The following TMEM53 variants were observed in gnomAD, a reference collection of about 807,000 sequenced individuals.
The protein encoded by TMEM53 is transmembrane protein 53.
TMEM53 carries 14 observed loss-of-function variants against 21.4 expected under a neutral mutation model. The ratio of observed to expected loss-of-function variants is 0.65; its 90% CI spans 0.43 to 1.02. The LOEUF (loss-of-function observed/expected upper bound fraction) is 1.02. Ranked by LOEUF, TMEM53 falls within the 50% of genes least tolerant of loss-of-function variation. The pLI is 0.00. For missense variants in TMEM53, 323 were observed against 383.6 expected, an observed-to-expected ratio of 0.84 and a Z score of 1.32; for synonymous variants, 148 against 157.4, an observed-to-expected ratio of 0.94 and a Z score of 0.45.
At position 44,660,199 on chromosome 1, in the gene TMEM53, T is replaced by C; in HGVS notation, c.158A>G (p.Lys53Arg). The change falls in exon 2 of 3, where the codon AAG (lysine) becomes AGG (arginine). Residue 53 changes from lysine (K) to arginine (R), a missense_variant. Transcript: ENST00000372237. The stretch of plus-strand genomic sequence containing the variant: ...CCTTTTGTGGTAGATGGCACTGTAC[T>C]TGGCAAGGTTCTTGTCCTTGCAGCC... ...WGGCKDKNLA[K>R]YSAIYHKRGC... The C allele has an allele frequency of 6.2e-7, 1 of 1,614,142 alleles. No individual in the cohort carries two copies. The highest frequency in any genetic ancestry group is 8.5e-7 in the Non-Finnish European group (1 of 1,180,014).
chr1:44,668,565 A>C (rs1391864524), intron 1 of TMEM53, among the ~76,000 whole-genome samples: 2 of 152,334 alleles, frequency 1.3e-5, no homozygotes, highest in East Asian at 3.9e-4. Flanking sequence ...TCTTTGAGAC[A>C]AGGTCTTTCT....
chr1:44,654,299 C>T lies in TMEM53; in HGVS notation c.*260G>A, dbSNP rs1644826771. 2.1e-6 allele frequency: 1 copy of T among 478,522 alleles called. No homozygotes were observed. Among genetic ancestry groups the T allele is most frequent in the East Asian group, 3.5e-5 (1 of 28,340 alleles). 29.6% of individuals were successfully genotyped at this position (478,522 alleles called of 1,614,324 possible). A position where few individuals can be genotyped will look rare whatever the true frequency, so the allele number is the denominator to read the frequency against. ...ACAGGAATCAGCAGCCTGACTGTTG[C>T]ACTTGTCCAAACACAACTGACTGCA... On this transcript the variant is annotated 3_prime_UTR_variant, in exon 3 of 3. Transcript: ENST00000372237. The surrounding 1 kb of genome is among the most constrained non-coding windows in gnomAD (Gnocchi z 7.0).
At chr1:44,665,498 C>A (rs528890094) in intron 1 of TMEM53, among the ~76,000 whole-genome samples, 1 of 151,816 alleles carries the variant, frequency 6.6e-6, no homozygotes, top group African/African-American at 2.4e-5. Flanking sequence ...TAGCTGGGCA[C>A]GGTGGTGGGG....
intron 1 of TMEM53, among the ~76,000 whole-genome samples, chr1:44,667,274 A>T (rs992302053): frequency 6.6e-5 from 10 of 151,684 alleles, no homozygotes; most frequent in Non-Finnish European, 1.5e-5. Flanking sequence ...CAGAATACCC[A>T]TATACACACA....
At chr1:44,671,134 A>C (rs1183857184) in intron 1 of TMEM53, among the ~76,000 whole-genome samples, 1 of 152,224 alleles carries the variant, frequency 6.6e-6, no homozygotes, top group Non-Finnish European at 1.5e-5. Context: ...GACCCTTCCC[A>C]AATGAAATGA....
intron 1 of TMEM53, among the ~76,000 whole-genome samples, chr1:44,662,275 C>G (rs993464920): frequency 1.4e-4 from 21 of 152,348 alleles, no homozygotes; most frequent in African/African-American, 4.1e-4. Context: ...GGAGCAGAAG[C>G]TGCCAAAGCC....
Position 44,663,966 on chromosome 1 carries a change from G to A in TMEM53, c.62-3671C>T, listed in dbSNP as rs550550186. Among the ~76,000 whole-genome samples, 13 of 152,200 alleles carry A rather than the reference G, an allele frequency of 8.5e-5. No homozygotes were observed. The South Asian group carries it at 2.7e-3, about 32-fold the overall frequency. On this transcript the variant is annotated intron_variant, in intron 1 of 2. Transcript: ENST00000372237. ...ACTTGAGCCCAAGAGTTCAAGACCA[G>A]GTTAGGCAACATGGCGAAACCTCAT...
Position 44,655,212 on chromosome 1 carries a change from G to GGGGAGAGAGGCCTGGTCAGTCCTC in TMEM53, c.184-27_184-4dup. 1 of 1,593,456 alleles carries GGGGAGAGAGGCCTGGTCAGTCCTC rather than the reference G, an allele frequency of 6.3e-7. No individual in the cohort carries two copies. Among genetic ancestry groups the GGGGAGAGAGGCCTGGTCAGTCCTC allele is most frequent in the Non-Finnish European group, 8.6e-7 (1 of 1,169,034 alleles). Reference sequence around the variant, plus strand: ...GTGTATCGGATTACGATGCAGCCCTGGGGAGAGAGGCCTGGTCAGTCCTCA... The same window carrying GGGGAGAGAGGCCTGGTCAGTCCTC: ...GTGTATCGGATTACGATGCAGCCCTGGGGAGAGAGGCCTGGTCAGTCCTCGGGAGAGAGGCCTGGTCAGTCCTCA... On this transcript the variant is annotated splice_region_variant and splice_polypyrimidine_tract_variant and intron_variant, in intron 2 of 2. Coordinates refer to ENST00000372237, the MANE Select transcript of TMEM53 (RefSeq NM_024587.4). This position sits in a 1 kb window ranked among gnomAD's most constrained non-coding sequence, Gnocchi z 4.4.
intron 2 of TMEM53, among the ~76,000 whole-genome samples, chr1:44,658,129 C>T (rs2148530118): frequency 6.6e-6 from 1 of 152,240 alleles, no homozygotes; most frequent in South Asian, 2.1e-4. Context: ...TCTCTGGCCA[C>T]TCCTCCTTTC....
intron 1 of TMEM53, among the ~76,000 whole-genome samples, chr1:44,670,180 A>AAAAAAAAAAAAAAC (rs1644986863): frequency 6.6e-6 from 1 of 151,500 alleles, no homozygotes. Context: ...AAAAAAAAAA[A>AAAAAAAAAAAAAAC]AAAAGACCTT....
At position 44,666,694 on chromosome 1, in the gene TMEM53, G is replaced by T. The variant is rs535437711; in HGVS notation, c.62-6399C>A. On this transcript the variant is annotated intron_variant, in intron 1 of 2. Transcript: ENST00000372237. ...AATCCACAGAGAATGAAAGATTAGT[G>T]GTTGCCAAGGGCTGGGGGGAGGAGG... 1.3e-4 allele frequency among the ~76,000 whole-genome samples: 20 copies of T among 152,264 alleles called. 1 individual carries two copies. Among genetic ancestry groups the T allele is most frequent in the Admixed American group, 1.2e-3 (19 of 15,296 alleles).
chr1:44,664,496 C>T (rs1644930878), intron 1 of TMEM53, among the ~76,000 whole-genome samples: 1 of 151,840 alleles, frequency 6.6e-6, no homozygotes, highest in Non-Finnish European at 1.5e-5. Context: ...AGCAAGAATT[C>T]TCATTTTACA....
At chr1:44,658,463 C>A (rs897085983) in intron 2 of TMEM53, among the ~76,000 whole-genome samples, 1 of 152,168 alleles carries the variant, frequency 6.6e-6, no homozygotes, top group Non-Finnish European at 1.5e-5. Flanking sequence ...GTCCTGACTA[C>A]CCTCTATCCC....
rs186796244 is a variant in TMEM53 at position 44,666,373 on chromosome 1, T to G, written c.62-6078A>C. Among the ~76,000 whole-genome samples the G allele has an allele frequency of 2.3e-3, 357 of 152,280 alleles. 1 individual carries two copies. The highest frequency in any genetic ancestry group is 8.4e-3 in the African/African-American group (348 of 41,536). ...CCACATGATCCCACAATTTCACTACTAGGGATACATCCAGGAGAGCTAAAA... is the reference window on the plus strand; with the variant it reads ...CCACATGATCCCACAATTTCACTACGAGGGATACATCCAGGAGAGCTAAAA... On this transcript the variant is annotated intron_variant, in intron 1 of 2. Transcript: ENST00000372237.
intron 1 of TMEM53, among the ~76,000 whole-genome samples, chr1:44,663,234 TTTGTTG>T (rs202108047): frequency 6.6e-6 from 1 of 151,688 alleles, no homozygotes; most frequent in African/African-American, 2.4e-5. Context: ...TAAAAACACT[TTTGTTG>T]TTGTTGTTGT....
At position 44,655,218 on chromosome 1, in the gene TMEM53, A is replaced by G. The variant is rs778617510; in HGVS notation, c.184-9T>C. 3 of 1,589,216 alleles carry G rather than the reference A, an allele frequency of 1.9e-6. No individual in the cohort carries two copies. Among genetic ancestry groups the G allele is most frequent in the Non-Finnish European group, 2.6e-6 (3 of 1,167,040 alleles). On this transcript the variant is annotated splice_polypyrimidine_tract_variant and intron_variant, in intron 2 of 2. Transcript: ENST00000372237. The surrounding 1 kb of genome is among the most constrained non-coding windows in gnomAD (Gnocchi z 4.4). The stretch of plus-strand genomic sequence containing the variant: ...CGGATTACGATGCAGCCCTGGGGAG[A>G]GAGGCCTGGTCAGTCCTCACAGATG...
intron 1 of TMEM53, among the ~76,000 whole-genome samples, chr1:44,663,467 C>T (rs1184446354): frequency 6.6e-6 from 1 of 152,218 alleles, no homozygotes; most frequent in Non-Finnish European, 1.5e-5. Context: ...TGTCGAACTC[C>T]TGAGCTCAGG....
At position 44,660,228 on chromosome 1, in the gene TMEM53, C is replaced by G; in HGVS notation, c.129G>C (p.Trp43Cys). ...TRQPVVILLG[W>C]GGCKDKNLAK... ...CAAGGTTCTTGTCCTTGCAGCCACC[C>G]CAGCCCAAGAGAATCACCACAGGCT... Residue 43 changes from tryptophan (W) to cysteine (C), a missense_variant, in exon 2 of 3, where the codon TGG becomes TGC. Around this residue, in one of 3 missense-constraint regions of TMEM53, gnomAD observed 269 missense variants for 334.5 expected, o/e 0.80. Transcript: ENST00000372237. 8.1e-6 allele frequency: 13 copies of G among 1,614,170 alleles called. No homozygotes were observed. The highest frequency in any genetic ancestry group is 1.1e-5 in the Non-Finnish European group (13 of 1,180,018).
chr1:44,665,722 A>T (rs967668084), intron 1 of TMEM53, among the ~76,000 whole-genome samples: 1 of 152,182 alleles, frequency 6.6e-6, no homozygotes, highest in African/African-American at 2.4e-5. Context: ...AATATTCAAT[A>T]ATACATTAAG....
Sources: allele counts gnomAD v4.1 joint callset (sites outside exome capture counted in the v4.1 genomes callset), GRCh38; gene constraint gnomAD v4.1.1; regional missense constraint gnomAD v4.1.1; non-coding constraint Gnocchi (gnomAD v3.1); transcripts MANE v1.5; gene names NCBI Gene and HGNC (gene_info 2026-07-23, HGNC 2026-07-21).